COMMD10: variants seen among roughly 807,000 people sequenced by gnomAD.
The protein encoded by COMMD10 is COMM domain containing 10.
Under a neutral mutation model 28.9 loss-of-function variants are expected in COMMD10, and 33 were observed. The observed-to-expected ratio is 1.14, with a 90% CI of 0.87 to 1.53. COMMD10 has a LOEUF of 1.53. Ranked by LOEUF, COMMD10 falls within the 40% of genes most tolerant of loss-of-function variation. The pLI is 0.00. For synonymous variants in COMMD10, 110 were observed against 81.7 expected (o/e 1.35, Z -1.87); for missense variants, 310 against 233.4 (o/e 1.33, Z -2.14).
rs539688851 is a variant in COMMD10 at position 116,254,425 on chromosome 5, G to C, written c.511-37092G>C. Among the ~76,000 whole-genome samples the C allele has an allele frequency of 1.7e-3, 261 of 151,196 alleles. 2 individuals carry two copies. The highest frequency in any genetic ancestry group is 6.8e-3 in the Middle Eastern group (2 of 294). On this transcript the variant is annotated intron_variant, in intron 5 of 6. Transcript: ENST00000274458. The stretch of plus-strand genomic sequence containing the variant: ...TTTTGGATCTTTCCTGCTTTCTCTT[G>C]TGGGCATTTAGTGCTATAAATTTCC...
intron 5 of COMMD10, among the ~76,000 whole-genome samples, chr5:116,214,358 T>C (rs1460914264): frequency 6.6e-6 from 1 of 152,174 alleles, no homozygotes; most frequent in Non-Finnish European, 1.5e-5. Context: ...GTTTTGCTAA[T>C]GTGGAAATTA....
At position 116,092,530 on chromosome 5, in the gene COMMD10, G is replaced by C. The variant is rs1169234214; in HGVS notation, c.244-15G>C. ...AGATGAGGGACATATGTAATTTTTT[G>C]TTTCTTTTTAATAGGCAGTGTATCA... On this transcript the variant is annotated splice_polypyrimidine_tract_variant and intron_variant, in intron 3 of 6. Coordinates refer to ENST00000274458, the MANE Select transcript of COMMD10 (RefSeq NM_016144.4). 2 of 1,530,034 alleles carry C rather than the reference G, an allele frequency of 1.3e-6. No individual in the cohort carries two copies. The allele number at this position is 1,530,034 out of a possible 1,614,324, so 94.8% of individuals were successfully genotyped here. A position where few individuals can be genotyped will look rare whatever the true frequency, so the allele number is the denominator to read the frequency against.
chr5:116,248,217 CTTCT>C (rs1750010916), intron 5 of COMMD10, among the ~76,000 whole-genome samples: 1 of 151,706 alleles, frequency 6.6e-6, no homozygotes, highest in Non-Finnish European at 1.5e-5. Flanking sequence ...AACAGTCATC[CTTCT>C]ATGACCTTGA....
chr5:116,286,409 T>G (rs1296533287), intron 5 of COMMD10, among the ~76,000 whole-genome samples: 1 of 150,950 alleles, frequency 6.6e-6, no homozygotes, highest in Non-Finnish European at 1.5e-5. Flanking sequence ...TACTTTGACC[T>G]TAGGGTTTTT....
intron 5 of COMMD10, among the ~76,000 whole-genome samples, chr5:116,173,030 T>C (rs1380376827): frequency 1.3e-5 from 2 of 152,148 alleles, no homozygotes; most frequent in Non-Finnish European, 2.9e-5. Context: ...TTCATAATAA[T>C]GTAAATTAAC....
At chr5:116,209,714 A>G (rs752013397) in intron 5 of COMMD10, among the ~76,000 whole-genome samples, 4 of 152,040 alleles carry the variant, frequency 2.6e-5, no homozygotes, top group African/African-American at 4.8e-5. Flanking sequence ...TTGTTAAAGT[A>G]TTTTCAATTA....
chr5:116,185,617 ACATAG>A (rs2112603137), intron 5 of COMMD10, among the ~76,000 whole-genome samples: 1 of 152,242 alleles, frequency 6.6e-6, no homozygotes, highest in African/African-American at 2.4e-5. Context: ...TGAGAACAAA[ACATAG>A]CAAAAGGACA....
At chr5:116,204,441 C>G (rs1404765529) in intron 5 of COMMD10, among the ~76,000 whole-genome samples, 4 of 149,482 alleles carry the variant, frequency 2.7e-5, no homozygotes, top group African/African-American at 9.8e-5. Context: ...CTTTTTTTTT[C>G]TTTTTTTACC....
rs1254049252 is a variant in COMMD10, at chr5:116,149,877, A to T, written c.510+15699A>T. Among the ~76,000 whole-genome samples the T allele has an allele frequency of 5.3e-5, 8 of 150,280 alleles. No homozygotes were observed. The South Asian group carries it at 1.3e-3, about 24-fold the overall frequency. ...TTAGTTTAATTAGATCCCATTTGTCAATTTTGTCTTTTGTTGCCATTGCTT... is the reference window on the plus strand; with the variant it reads ...TTAGTTTAATTAGATCCCATTTGTCTATTTTGTCTTTTGTTGCCATTGCTT... On this transcript the variant is annotated intron_variant, in intron 5 of 6. Transcript: ENST00000274458.
intron 4 of COMMD10, among the ~76,000 whole-genome samples, chr5:116,108,052 TC>T (rs1278343831): frequency 6.6e-6 from 1 of 152,218 alleles, no homozygotes; most frequent in African/African-American, 2.4e-5. Flanking sequence ...GAAGCTTCTT[TC>T]CAGAGGGGCA....
chr5:116,202,515 GT>G (rs1748696363), intron 5 of COMMD10, among the ~76,000 whole-genome samples: 1 of 150,628 alleles, frequency 6.6e-6, no homozygotes, highest in Non-Finnish European at 1.5e-5. Flanking sequence ...GTGTAAAAGT[GT>G]TCCTATTTCT....
At position 116,142,564 on chromosome 5, in the gene COMMD10, C is replaced by T. The variant is rs115017573; in HGVS notation, c.510+8386C>T. On this transcript the variant is annotated intron_variant, in intron 5 of 6. Transcript: ENST00000274458. ...TGGGGAATATACACAGAAACGCAAA[C>T]GTTGCATTCAGAAGATTTCTTAGCT... is the stretch of plus-strand genomic sequence containing the variant. Among the ~76,000 whole-genome samples, 312 of 151,728 alleles carry T rather than the reference C, an allele frequency of 2.1e-3. 1 individual carries two copies. Among genetic ancestry groups the T allele is most frequent in the African/African-American group, 7.3e-3 (302 of 41,472 alleles).
chr5:116,281,755 A>G (rs930346363), intron 5 of COMMD10, among the ~76,000 whole-genome samples: 1 of 151,874 alleles, frequency 6.6e-6, no homozygotes, highest in African/African-American at 2.4e-5. Context: ...ATTTTGATTC[A>G]TGTAATGCAT....
At chr5:116,158,927 C>T (rs1467933496) in intron 5 of COMMD10, among the ~76,000 whole-genome samples, 1 of 150,720 alleles carries the variant, frequency 6.6e-6, no homozygotes, top group East Asian at 2.0e-4. Context: ...CAGGTGCTAA[C>T]ATCTTTTTCA....
At chr5:116,147,572 A>C (rs1752390366) in intron 5 of COMMD10, among the ~76,000 whole-genome samples, 1 of 151,860 alleles carries the variant, frequency 6.6e-6, no homozygotes, top group Admixed American at 6.6e-5. Context: ...AACTGCTATT[A>C]TGACATCAGT....
At chr5:116,103,134 G>A (rs944426143) in intron 4 of COMMD10, among the ~76,000 whole-genome samples, 3 of 152,056 alleles carry the variant, frequency 2.0e-5, no homozygotes, top group African/African-American at 7.2e-5. Flanking sequence ...AAACATACAT[G>A]TGCATGTGTC....
chr5:116,104,304 G>T (rs539578232), intron 4 of COMMD10, among the ~76,000 whole-genome samples: 2 of 152,210 alleles, frequency 1.3e-5, no homozygotes, highest in South Asian at 4.2e-4. Flanking sequence ...TCATTTGTTT[G>T]TGTCCTCTCT....
At chr5:116,145,444 CTG>C (rs10605534) in intron 5 of COMMD10, among the ~76,000 whole-genome samples, 46,194 of 151,422 alleles carry the variant, frequency 0.31, 9,514 homozygotes, top group African/African-American at 0.59. Flanking sequence ...AAGGGTTTGT[CTG>C]TGTCTATGAA....
intron 5 of COMMD10, among the ~76,000 whole-genome samples, chr5:116,153,813 A>C (rs1305059980): frequency 6.6e-6 from 1 of 152,070 alleles, no homozygotes; most frequent in African/African-American, 2.4e-5. Context: ...AACCCTCCTC[A>C]GGGTAGGTGA....
Sources: gnomAD v4.1 joint callset for allele counts (sites outside exome capture counted in the v4.1 genomes callset) on GRCh38, gnomAD v4.1.1 for gene constraint, MANE v1.5 for transcripts, NCBI Gene and HGNC (gene_info 2026-07-23, HGNC 2026-07-21) for gene names.